Variants in C12orf50 observed in about 807,000 individuals in gnomAD.
The protein encoded by C12orf50 is uncharacterized protein C12orf50.
Under a neutral mutation model 61.6 loss-of-function variants are expected in C12orf50, and 35 were observed. The ratio of observed to expected loss-of-function variants is 0.57; its 90% confidence interval spans 0.43 to 0.75. C12orf50 has a LOEUF of 0.75. Ranked by LOEUF, C12orf50 falls within the 30% of genes least tolerant of loss-of-function variation. The pLI, the probability that C12orf50 is intolerant of heterozygous loss-of-function variation, is 0.00. For synonymous variants in C12orf50, 178 were observed against 161.5 expected, an observed-to-expected ratio of 1.10 and a Z score of -0.77; for missense variants, 475 against 488.5, an observed-to-expected ratio of 0.97 and a Z score of 0.26.
intron 3 of C12orf50, among the ~76,000 whole-genome samples, chr12:88,021,913 A>G (rs1319679178): frequency 6.6e-6 from 1 of 152,134 alleles, no homozygotes; most frequent in African/African-American, 2.4e-5. Context: ...TATCAGATTT[A>G]TAAAGAAGAG....
At chr12:87,999,238 A>G (rs2031550519) in intron 3 of C12orf50, among the ~76,000 whole-genome samples, 1 of 152,168 alleles carries the variant, frequency 6.6e-6, no homozygotes, top group South Asian at 2.1e-4. Flanking sequence ...AGCCTGGGCA[A>G]CATGGCTAAA....
At chr12:87,998,430 A>G (rs1833815560) in intron 3 of C12orf50, among the ~76,000 whole-genome samples, 1 of 152,132 alleles carries the variant, frequency 6.6e-6, no homozygotes, top group Admixed American at 6.5e-5. Context: ...ATTTTAACAT[A>G]AGATGTGCAA....
intron 3 of C12orf50, among the ~76,000 whole-genome samples, chr12:88,023,851 A>G (rs2032608751): frequency 6.6e-6 from 1 of 152,186 alleles, no homozygotes; most frequent in African/African-American, 2.4e-5. Context: ...CAGAGTAAAC[A>G]GACAATCTAC....
rs919564871 is a variant in C12orf50 at position 87,983,208 on chromosome 12, A to C, written c.1127-13T>G. The stretch of plus-strand genomic sequence containing the variant: ...GACGTATATTTGTCTGAGGGAAAAA[A>C]ATCCAGAATTAAATATTTTATAACT... On this transcript the variant is annotated splice_polypyrimidine_tract_variant and intron_variant, in intron 11 of 12. Transcript: ENST00000298699. 6.5e-7 allele frequency: 1 copy of C among 1,528,016 alleles called. No individual in the cohort carries two copies. Among genetic ancestry groups the C allele is most frequent in the Non-Finnish European group, 9.0e-7 (1 of 1,114,602 alleles). The allele number at this position is 1,528,016 out of a possible 1,614,324, so 94.7% of individuals were successfully genotyped here.
intron 3 of C12orf50, among the ~76,000 whole-genome samples, chr12:88,015,361 T>C (rs943090067): frequency 6.6e-6 from 1 of 152,236 alleles, no homozygotes; most frequent in Non-Finnish European, 1.5e-5. Flanking sequence ...GGCTAGACAT[T>C]CTAAAGAAAG....
At chr12:88,001,823 T>C (rs1453153348) in intron 3 of C12orf50, among the ~76,000 whole-genome samples, 1 of 151,604 alleles carries the variant, frequency 6.6e-6, no homozygotes, top group East Asian at 1.9e-4. Flanking sequence ...ATTTTCATAA[T>C]ATTGGGAGTG....
intron 7 of C12orf50, among the ~76,000 whole-genome samples, chr12:87,993,062 A>G (rs1012141942): frequency 3.9e-5 from 6 of 152,160 alleles, no homozygotes; most frequent in African/African-American, 1.4e-4. Flanking sequence ...TGACTATACC[A>G]GAACTTAGTA....
At chr12:88,012,483 C>A (rs1264368866) in intron 3 of C12orf50, among the ~76,000 whole-genome samples, 1 of 152,134 alleles carries the variant, frequency 6.6e-6, no homozygotes, top group Admixed American at 6.5e-5. Context: ...TCAAAGAGTA[C>A]AAGAAATGCT....
At chr12:88,029,187 T>A in intron 1 of C12orf50, 153 bp downstream of exon 1, 4 of 952,196 alleles carry the variant, frequency 4.2e-6, no homozygotes, top group Admixed American at 2.6e-5. Context: ...ATTTCAGGAA[T>A]GCAAATACAA....
intron 9 of C12orf50, among the ~76,000 whole-genome samples, 200 bp from the exon 10 acceptor site, chr12:87,986,616 T>C (rs2030839994): frequency 6.6e-6 from 1 of 152,188 alleles, no homozygotes; most frequent in African/African-American, 2.4e-5. Flanking sequence ...AATAGATTGA[T>C]GAAATAACTT....
intron 3 of C12orf50, 144 bp from the exon 4 acceptor site, chr12:87,998,334 C>T: frequency 1.8e-6 from 1 of 557,262 alleles, no homozygotes; most frequent in Non-Finnish European, 2.8e-6. Context: ...TGTGTTTCTA[C>T]ACACTAGCAA....
rs2030907796 is a variant in C12orf50, at chr12:87,987,863, C to G, written c.804G>C (p.Glu268Asp). 3 of 1,600,232 alleles carry G rather than the reference C, an allele frequency of 1.9e-6. No homozygotes were observed. The highest frequency in any genetic ancestry group is 3.4e-5 in the Admixed American group (2 of 59,026). ...ATENISMKCR[E>D]DPSSMNDVQP... is the part of the protein sequence containing the mutation. ...CTAATGTCTCACTTGAAGAGGGGTCCTCTCTGCACTTCATACTGATATTCT... is the reference window on the plus strand; with the variant it reads ...CTAATGTCTCACTTGAAGAGGGGTCGTCTCTGCACTTCATACTGATATTCT... The change falls in exon 9 of 13, where the codon GAG (glutamate) becomes GAC (aspartate). Residue 268 changes from glutamate (E) to aspartate (D), a missense_variant. Glu to Asp is a conservative substitution (Grantham distance 45, BLOSUM62 2). Transcript: ENST00000298699.
chr12:88,027,668 T>G (rs1169004936), intron 1 of C12orf50: 1 of 152,226 alleles, frequency 6.6e-6, no homozygotes, highest in Non-Finnish European at 1.5e-5. Flanking sequence ...ATATACTCAC[T>G]GACTTGTTAA....
chr12:87,983,259 C>A, intron 11 of C12orf50, 64 bp from the exon 12 acceptor site: 1 of 1,116,316 alleles, frequency 9.0e-7, no homozygotes, highest in South Asian at 1.6e-5. Context: ...AAGGGTGTTT[C>A]AAAGTTATAA....
chr12:88,027,104 A>G (rs2032736236), intron 1 of C12orf50, 34 bp from the exon 2 acceptor site: 13 of 1,557,940 alleles, frequency 8.3e-6, no homozygotes, highest in Non-Finnish European at 1.1e-5. Context: ...AGAAAGCTCA[A>G]TATGTTGACA....
intron 3 of C12orf50, among the ~76,000 whole-genome samples, chr12:88,019,870 T>A (rs1304271364): frequency 6.6e-6 from 1 of 152,082 alleles, no homozygotes; most frequent in Non-Finnish European, 1.5e-5. Flanking sequence ...CCAGAAAAGA[T>A]TGGAAGCCTA....
At chr12:88,013,586 C>T (rs1294356852) in intron 3 of C12orf50, among the ~76,000 whole-genome samples, 3 of 151,258 alleles carry the variant, frequency 2.0e-5, no homozygotes, top group Non-Finnish European at 2.9e-5. Context: ...CCAAATGGTT[C>T]CAAAAAAACA....
At chr12:87,987,587 A>G (rs1234692910) in intron 9 of C12orf50, among the ~76,000 whole-genome samples, 1 of 152,168 alleles carries the variant, frequency 6.6e-6, no homozygotes, top group African/African-American at 2.4e-5. Flanking sequence ...AGGTTATGCT[A>G]GTGAATCTTC....
chr12:87,997,155 G>T (rs564211241), intron 4 of C12orf50, among the ~76,000 whole-genome samples: 3 of 151,954 alleles, frequency 2.0e-5, no homozygotes, highest in African/African-American at 4.8e-5. Flanking sequence ...AAATGCAAAA[G>T]ACATGGGTCC....
Sources: gnomAD v4.1 joint callset for allele counts (sites outside exome capture counted in the v4.1 genomes callset) on GRCh38, gnomAD v4.1.1 for gene constraint, MANE v1.5 for transcripts, NCBI Gene and HGNC (gene_info 2026-07-23, HGNC 2026-07-21) for gene names.